PAK5: variants seen among roughly 807,000 people sequenced by gnomAD.
The protein encoded by PAK5 is serine/threonine-protein kinase PAK 5.
A neutral mutation model predicts 65.9 loss-of-function variants in PAK5; 16 were observed. That is an observed-to-expected ratio of 0.24 (90% CI 0.16 to 0.37). The LOEUF (loss-of-function observed/expected upper bound fraction) is 0.37. Among genes scored for constraint, PAK5 ranks in the 10% least tolerant of loss-of-function variants. The probability of loss-of-function intolerance (pLI) is 1.00; values close to 1 mark genes in which losing one functional copy is unlikely to be tolerated. For synonymous variants in PAK5, 371 were observed against 354.9 expected, an observed-to-expected ratio of 1.05 and a Z score of -0.51; for missense variants, 785 against 903.9, an observed-to-expected ratio of 0.87 and a Z score of 1.69.
intron 3 of PAK5, among the ~76,000 whole-genome samples, chr20:9,596,136 T>G (rs926306732): frequency 6.6e-6 from 1 of 152,248 alleles, no homozygotes; most frequent in Non-Finnish European, 1.5e-5. Context: ...TGACCACTTC[T>G]GGTCTTTAAT....
intron 1 of PAK5, among the ~76,000 whole-genome samples, chr20:9,829,223 T>G (rs1245492702): frequency 2.6e-5 from 4 of 152,370 alleles, no homozygotes; most frequent in East Asian, 1.9e-4. Context: ...TTACTTTCCC[T>G]TTTCATGAGG....
chr20:9,581,956 G>T (rs1261567724), intron 3 of PAK5, among the ~76,000 whole-genome samples: 4 of 152,214 alleles, frequency 2.6e-5, no homozygotes, highest in Admixed American at 6.5e-5. Flanking sequence ...AGAAGTCAAA[G>T]TTGTCCTGGA....
At chr20:9,642,704 A>G (rs2047085126) in intron 3 of PAK5, among the ~76,000 whole-genome samples, 1 of 152,208 alleles carries the variant, frequency 6.6e-6, no homozygotes, top group Non-Finnish European at 1.5e-5. Context: ...CCACATGCAA[A>G]CTAGTAGAGT....
chr20:9,732,389 T>A (rs897581469), intron 1 of PAK5, among the ~76,000 whole-genome samples: 2 of 152,196 alleles, frequency 1.3e-5, no homozygotes, highest in Admixed American at 1.3e-4. Context: ...TTTTTAAAAC[T>A]TTCTGATGAT....
chr20:9,630,402 A>G (rs573840500), intron 3 of PAK5, among the ~76,000 whole-genome samples: 8 of 152,334 alleles, frequency 5.3e-5, no homozygotes, highest in South Asian at 2.1e-4. Context: ...AACCTCAAGG[A>G]AGCATATGGG....
intron 1 of PAK5, among the ~76,000 whole-genome samples, chr20:9,746,120 G>C (rs755938735): frequency 1.2e-4 from 18 of 152,224 alleles, no homozygotes; most frequent in Non-Finnish European, 2.5e-4. Context: ...CAAAGACTGA[G>C]ATAGCCTTTT....
intron 3 of PAK5, among the ~76,000 whole-genome samples, chr20:9,598,029 T>C (rs2046300766): frequency 6.6e-6 from 1 of 152,220 alleles, no homozygotes; most frequent in East Asian, 1.9e-4. Context: ...ACATGTGCCA[T>C]GGTGGCTTGC....
intron 4 of PAK5, among the ~76,000 whole-genome samples, chr20:9,568,208 A>G (rs986030616): frequency 4.6e-5 from 7 of 152,304 alleles, no homozygotes; most frequent in Non-Finnish European, 7.4e-5. Flanking sequence ...TGGCTGCTGG[A>G]GGAGAGACTT....
intron 3 of PAK5, among the ~76,000 whole-genome samples, chr20:9,581,743 G>T (rs927757152): frequency 6.6e-6 from 1 of 152,064 alleles, no homozygotes; most frequent in Non-Finnish European, 1.5e-5. Flanking sequence ...GAAAGACATC[G>T]CAAACCACTT....
At chr20:9,566,536 C>G in intron 4 of PAK5, 152 bp from the exon 5 acceptor site, 1 of 715,622 alleles carries the variant, frequency 1.4e-6, no homozygotes, top group South Asian at 1.7e-5. Flanking sequence ...CCGGCCACAC[C>G]TAGGGAAGGG....
chr20:9,560,839 G>A (rs73241778), intron 6 of PAK5, among the ~76,000 whole-genome samples: 1,862 of 152,182 alleles, frequency 0.012, 34 homozygotes, highest in African/African-American at 0.04. Context: ...AGGATCTGAC[G>A]TAACAAGATG....
intron 7 of PAK5, among the ~76,000 whole-genome samples, chr20:9,547,461 T>G (rs1190289469): frequency 6.6e-6 from 1 of 152,126 alleles, no homozygotes; most frequent in African/African-American, 2.4e-5. Context: ...ACTAACGAGG[T>G]AGGAAATATT....
At chr20:9,569,196 G>A (rs1481760102) in intron 4 of PAK5, among the ~76,000 whole-genome samples, 1 of 152,202 alleles carries the variant, frequency 6.6e-6, no homozygotes, top group Non-Finnish European at 1.5e-5. Flanking sequence ...GAAGTTTTGG[G>A]ATAATTTGTT....
chr20:9,612,913 A>C (rs1283573911), intron 3 of PAK5, among the ~76,000 whole-genome samples: 1 of 151,986 alleles, frequency 6.6e-6, no homozygotes, highest in Admixed American at 6.5e-5. Flanking sequence ...CCATTAGACT[A>C]TACAATCTAT....
At chr20:9,828,255 G>C (rs937611058) in intron 1 of PAK5, among the ~76,000 whole-genome samples, 1 of 152,062 alleles carries the variant, frequency 6.6e-6, no homozygotes, top group East Asian at 1.9e-4. Context: ...CCTCAAAAAG[G>C]GTTAAACCAC....
At chr20:9,588,666 AATT>A (rs2046112396) in intron 3 of PAK5, among the ~76,000 whole-genome samples, 1 of 152,168 alleles carries the variant, frequency 6.6e-6, no homozygotes, top group South Asian at 2.1e-4. Flanking sequence ...AAGAACCACT[AATT>A]ATTATTGTCC....
intron 3 of PAK5, among the ~76,000 whole-genome samples, chr20:9,583,318 T>C (rs985831996): frequency 2.0e-5 from 3 of 152,170 alleles, no homozygotes; most frequent in African/African-American, 7.2e-5. Flanking sequence ...GTAAAAAACA[T>C]GGGCCCCACC....
intron 3 of PAK5, among the ~76,000 whole-genome samples, chr20:9,628,142 AT>A (rs1339805082): frequency 6.6e-6 from 1 of 152,126 alleles, no homozygotes; most frequent in Non-Finnish European, 1.5e-5. Flanking sequence ...GGTTTGATTC[AT>A]TTTTTATTTC....
chr20:9,607,308 A>G (rs908038870), intron 3 of PAK5, among the ~76,000 whole-genome samples: 1 of 152,238 alleles, frequency 6.6e-6, no homozygotes, highest in Non-Finnish European at 1.5e-5. Context: ...ACATTCTGTA[A>G]AACAACTGGC....
Sources: gnomAD v4.1 joint callset for allele counts (sites outside exome capture counted in the v4.1 genomes callset) on GRCh38, gnomAD v4.1.1 for gene constraint, MANE v1.5 for transcripts, NCBI Gene and HGNC (gene_info 2026-07-23, HGNC 2026-07-21) for gene names.